Variants in EMB observed in about 807,000 individuals in gnomAD.
EMB encodes embigin homolog.
EMB carries 31 observed loss-of-function variants against 41.4 expected under a neutral mutation model. The observed-to-expected ratio is 0.75, with a 90% CI of 0.56 to 1.01. EMB has a LOEUF of 1.01. EMB is among the 50% of genes least tolerant of loss of function. The probability of loss-of-function intolerance (pLI) is 0.00; values close to 1 mark genes in which losing one functional copy is unlikely to be tolerated. For synonymous variants in EMB, 137 were observed against 140.4 expected, an observed-to-expected ratio of 0.98 and a Z score of 0.17; for missense variants, 379 against 388.3, an observed-to-expected ratio of 0.98 and a Z score of 0.20.
intron 2 of EMB, among the ~76,000 whole-genome samples, chr5:50,421,363 T>A (rs1745520091): frequency 6.6e-6 from 1 of 152,166 alleles, no homozygotes; most frequent in African/African-American, 2.4e-5. Context: ...TCATACCAGT[T>A]AGAATGGCCA....
At chr5:50,413,781 T>C (rs1745383430) in intron 2 of EMB, among the ~76,000 whole-genome samples, 1 of 152,100 alleles carries the variant, frequency 6.6e-6, no homozygotes. Context: ...TTTCACCATG[T>C]TGGCCAGGCT....
At chr5:50,407,154 G>A (rs529758502) in intron 4 of EMB, among the ~76,000 whole-genome samples, 6 of 152,012 alleles carry the variant, frequency 3.9e-5, no homozygotes, top group African/African-American at 9.6e-5. Flanking sequence ...ATCTCTACAT[G>A]TTTCTTTCTG....
At position 50,409,404 on chromosome 5, in the gene EMB, T is replaced by C. The variant is rs1201496905; in HGVS notation, c.472+1473A>G. On this transcript the variant is annotated intron_variant, in intron 4 of 8. Transcript: ENST00000303221. ...TCTTAGAAAAAAAAAGAAAAAAGTG[T>C]TTAAAGTTGAATATCTTGGGAGCAC... is the stretch of plus-strand genomic sequence containing the variant. Among the ~76,000 whole-genome samples the C allele has an allele frequency of 2.6e-5, 4 of 152,090 alleles. No individual in the cohort carries two copies. The East Asian group carries it at 7.7e-4, about 29-fold the overall frequency.
At chr5:50,421,577 T>C (rs1353347238) in intron 2 of EMB, among the ~76,000 whole-genome samples, 1 of 152,178 alleles carries the variant, frequency 6.6e-6, no homozygotes, top group African/African-American at 2.4e-5. Flanking sequence ...ATCATGCTTC[T>C]ATAAAGATAC....
chr5:50,441,303 G>T (rs1745908557), upstream of EMB: 3 of 417,182 alleles, frequency 7.2e-6, no homozygotes, highest in Non-Finnish European at 1.2e-5. Context: ...AATGGGAGGG[G>T]CCCGGCCGCC....
At position 50,440,882 on chromosome 5, in the gene EMB, T is replaced by C. The variant is rs563769194; in HGVS notation, c.112+158A>G. 1.5e-4 allele frequency among the ~76,000 whole-genome samples: 23 copies of C among 152,138 alleles called. 1 individual carries two copies. In the East Asian group the frequency reaches 4.1e-3, roughly 27 times the overall value. ...GCTTAGGTGACACAAACGTAGCTAA[T>C]GGGAGGCCGCCGCCGACTCTCCCAC... On this transcript the variant is annotated intron_variant, in intron 1 of 8. Transcript: ENST00000303221.
Position 50,411,332 on chromosome 5 carries a change from T to C in EMB, c.248A>G (p.Asn83Ser). The stretch of plus-strand genomic sequence containing the variant: ...TGTGAACTGGCATGTGAGATTTACA[T>C]TAGAAGGCCTTTCTAAAGTGATATT... ...EKNITLERPS[N>S]VNLTCQFTTS... Residue 83 changes from asparagine to serine, a missense_variant, in exon 3 of 9, where the codon AAT becomes AGT. Coordinates refer to ENST00000303221, the MANE Select transcript of EMB (RefSeq NM_198449.3). 1 of 1,612,638 alleles carries C rather than the reference T, an allele frequency of 6.2e-7. No individual in the cohort carries two copies. The highest frequency in any genetic ancestry group is 1.1e-5 in the South Asian group (1 of 90,846).
intron 1 of EMB, among the ~76,000 whole-genome samples, chr5:50,431,871 G>C (rs528244297): frequency 6.6e-6 from 1 of 152,234 alleles, no homozygotes; most frequent in South Asian, 2.1e-4. Flanking sequence ...TCAAAGAAGT[G>C]AGTAACATCT....
chr5:50,402,661 C>T (rs1191416610), intron 6 of EMB, among the ~76,000 whole-genome samples: 1 of 151,780 alleles, frequency 6.6e-6, no homozygotes, highest in Non-Finnish European at 1.5e-5. Flanking sequence ...CAACCTGTAA[C>T]CCATCAGGCA....
At chr5:50,415,444 C>T (rs1359482437) in intron 2 of EMB, among the ~76,000 whole-genome samples, 2 of 152,164 alleles carry the variant, frequency 1.3e-5, no homozygotes, top group African/African-American at 2.4e-5. Flanking sequence ...AAAGTTCTAT[C>T]ATAAGAAACG....
At chr5:50,437,475 T>A (rs978873651) in intron 1 of EMB, among the ~76,000 whole-genome samples, 14 of 152,146 alleles carry the variant, frequency 9.2e-5, no homozygotes, top group Middle Eastern at 3.2e-3. Flanking sequence ...TTGTACCCCA[T>A]CAAACTTTTC....
At chr5:50,439,512 A>T (rs564223565) in intron 1 of EMB, among the ~76,000 whole-genome samples, 142 of 150,342 alleles carry the variant, frequency 9.4e-4, no homozygotes, top group African/African-American at 3.3e-3. Flanking sequence ...TTTTTAATAA[A>T]GAAGGGACCT....
intron 2 of EMB, among the ~76,000 whole-genome samples, chr5:50,417,909 T>C (rs1391224874): frequency 2.6e-5 from 4 of 152,218 alleles, no homozygotes; most frequent in Non-Finnish European, 4.4e-5. Context: ...TAAGAGGAGA[T>C]GCTAGTTGAA....
intron 1 of EMB, among the ~76,000 whole-genome samples, chr5:50,428,989 C>G (rs939078773): frequency 6.6e-6 from 1 of 151,954 alleles, no homozygotes; most frequent in African/African-American, 2.4e-5. Context: ...TCAGCCTCCC[C>G]GGTTCAAGCA....
At chr5:50,426,969 A>T (rs1745622063) in intron 2 of EMB, among the ~76,000 whole-genome samples, 1 of 151,870 alleles carries the variant, frequency 6.6e-6, no homozygotes, top group Non-Finnish European at 1.5e-5. Flanking sequence ...TAGCTGCTGA[A>T]ATGACCTGGT....
At chr5:50,415,511 A>T (rs1745414989) in intron 2 of EMB, among the ~76,000 whole-genome samples, 1 of 152,210 alleles carries the variant, frequency 6.6e-6, no homozygotes, top group Non-Finnish European at 1.5e-5. Context: ...TCTCACCATT[A>T]TCTCACTGGG....
intron 2 of EMB, among the ~76,000 whole-genome samples, chr5:50,426,105 T>G (rs1726242528): frequency 6.6e-6 from 1 of 152,242 alleles, no homozygotes; most frequent in Non-Finnish European, 1.5e-5. Context: ...ATATACTTGA[T>G]TTAATAATGC....
intron 2 of EMB, among the ~76,000 whole-genome samples, chr5:50,426,691 T>A (rs1410540239): frequency 6.6e-6 from 1 of 152,134 alleles, no homozygotes; most frequent in African/African-American, 2.4e-5. Context: ...GTATTGTTTC[T>A]AGACAACAAT....
At chr5:50,436,508 T>C (rs1745805722) in intron 1 of EMB, among the ~76,000 whole-genome samples, 1 of 152,128 alleles carries the variant, frequency 6.6e-6, no homozygotes, top group African/African-American at 2.4e-5. Context: ...GGCTCCAACC[T>C]CCATCGCTGG....
Sources: allele counts gnomAD v4.1 joint callset (sites outside exome capture counted in the v4.1 genomes callset), GRCh38; gene constraint gnomAD v4.1.1; transcripts MANE v1.5; gene names NCBI Gene and HGNC (gene_info 2026-07-23, HGNC 2026-07-21).